KCNIP4: variants seen among roughly 807,000 people sequenced by gnomAD.
KCNIP4 encodes potassium voltage-gated channel interacting protein 4, also known as Kv channel-interacting protein 4.
KCNIP4 carries 12 observed loss-of-function variants against 34.0 expected under a neutral mutation model. The observed-to-expected ratio is 0.35, with a 90% CI of 0.23 to 0.57. The LOEUF (loss-of-function observed/expected upper bound fraction) is 0.57, where lower values mean the gene tolerates loss of function less well. KCNIP4 is among the 20% of genes least tolerant of loss of function. The pLI is 0.83. For synonymous variants in KCNIP4, 124 were observed against 102.2 expected (o/e 1.21, Z -1.29); for missense variants, 238 against 311.7 (o/e 0.76, Z 1.78).
At chr4:20,985,820 G>A (rs17635673) in intron 1 of KCNIP4, among the ~76,000 whole-genome samples, 43,915 of 151,930 alleles carry the variant, frequency 0.29, 8,029 homozygotes, top group Non-Finnish European at 0.4. Flanking sequence ...TTATAGAGGC[G>A]GTAACTGTCC....
chr4:21,850,686 T>C (rs1724322651), intron 1 of KCNIP4: 1 of 152,004 alleles, frequency 6.6e-6, no homozygotes, highest in Non-Finnish European at 1.5e-5. Flanking sequence ...AATTACATGA[T>C]TTTTTTTCAG....
intron 1 of KCNIP4, chr4:20,984,173 G>C: frequency 3.8e-6 from 2 of 524,352 alleles, no homozygotes; most frequent in Non-Finnish European, 6.8e-6. Flanking sequence ...CACAGCGCAC[G>C]GACCTCTCCA....
intron 1 of KCNIP4, among the ~76,000 whole-genome samples, chr4:21,814,238 A>T (rs1451931174): frequency 2.0e-5 from 3 of 152,132 alleles, no homozygotes; most frequent in Non-Finnish European, 4.4e-5. Context: ...ATTTGAGCAA[A>T]AATACTAACC....
intron 1 of KCNIP4, among the ~76,000 whole-genome samples, chr4:21,123,762 T>C (rs1433479): frequency 1.4e-4 from 21 of 152,018 alleles, no homozygotes; most frequent in African/African-American, 4.8e-4. Context: ...AATGGGATTA[T>C]TGTCCTTAAA....
intron 1 of KCNIP4, among the ~76,000 whole-genome samples, chr4:21,059,292 C>T (rs965941278): frequency 2.0e-5 from 3 of 152,156 alleles, no homozygotes; most frequent in African/African-American, 7.2e-5. Flanking sequence ...CTCCCTCTTC[C>T]AGTGACGTTA....
In KCNIP4 at chr4:21,248,277, A is replaced by C. The variant is rs114959013; in HGVS notation, c.62-365568T>G. ...CAGAGACATCAACAGTATAGACTTT[A>C]GGAGATGGTCTAAAGCTCTTAGCTT... is the stretch of plus-strand genomic sequence containing the variant. On this transcript the variant is annotated intron_variant, in intron 1 of 8. Transcript: ENST00000382152. 3.2e-3 allele frequency among the ~76,000 whole-genome samples: 493 copies of C among 152,034 alleles called. 3 individuals are homozygous for C. Among genetic ancestry groups the C allele is most frequent in the African/African-American group, 0.011 (469 of 41,486 alleles).
chr4:21,681,299 G>T (rs1255132240), intron 1 of KCNIP4, among the ~76,000 whole-genome samples: 3 of 151,376 alleles, frequency 2.0e-5, no homozygotes, highest in African/African-American at 7.3e-5. Context: ...TAAAGACAAG[G>T]CCTCACTATG....
intron 1 of KCNIP4, among the ~76,000 whole-genome samples, chr4:21,891,721 T>C (rs1160181130): frequency 2.0e-5 from 3 of 152,122 alleles, no homozygotes; most frequent in Non-Finnish European, 4.4e-5. Context: ...CTGTATCAAA[T>C]AAGAGAAAAC....
chr4:21,382,324 G>A (rs946523394), intron 1 of KCNIP4, among the ~76,000 whole-genome samples: 11 of 152,176 alleles, frequency 7.2e-5, no homozygotes, highest in Non-Finnish European at 1.6e-4. Context: ...ATATAGATGG[G>A]CTTTAAGCAG....
At chr4:21,112,419 G>A (rs1038471474) in intron 1 of KCNIP4, among the ~76,000 whole-genome samples, 1 of 152,122 alleles carries the variant, frequency 6.6e-6, no homozygotes, top group African/African-American at 2.4e-5. Context: ...ATGGAGTTTG[G>A]GCCAAAAATC....
At chr4:20,772,638 CTT>C (rs1314334844) in intron 3 of KCNIP4, among the ~76,000 whole-genome samples, 1 of 141,230 alleles carries the variant, frequency 7.1e-6, no homozygotes, top group East Asian at 2.1e-4. Context: ...TTCTCTCTCT[CTT>C]TCTTTCTTCT....
chr4:21,623,258 A>G (rs1745104575), intron 1 of KCNIP4, among the ~76,000 whole-genome samples: 1 of 152,220 alleles, frequency 6.6e-6, no homozygotes, highest in Admixed American at 6.5e-5. Flanking sequence ...AAATCTTATT[A>G]CTAAACAATT....
chr4:21,738,124 TA>T (rs1454914469), intron 1 of KCNIP4, among the ~76,000 whole-genome samples: 5 of 128,214 alleles, frequency 3.9e-5, no homozygotes, highest in Admixed American at 7.6e-5. Flanking sequence ...AATAAATAAA[TA>T]AATAAATAAA....
chr4:21,431,422 C>T (rs1041466345), intron 1 of KCNIP4, among the ~76,000 whole-genome samples: 18 of 151,992 alleles, frequency 1.2e-4, no homozygotes, highest in Non-Finnish European at 2.9e-5. Context: ...AACCATAATT[C>T]TTTAGTTTGC....
intron 3 of KCNIP4, among the ~76,000 whole-genome samples, chr4:20,784,592 C>G (rs1316714439): frequency 6.6e-6 from 1 of 152,048 alleles, no homozygotes; most frequent in Admixed American, 6.6e-5. Flanking sequence ...TTCTTCTTTC[C>G]TTGCCTCCCT....
chr4:20,880,983 A>G (rs1389364110), intron 2 of KCNIP4, among the ~76,000 whole-genome samples: 24 of 152,204 alleles, frequency 1.6e-4, no homozygotes, highest in Admixed American at 1.6e-3. Context: ...AGTGCTAACG[A>G]AAGTTATTTA....
intron 1 of KCNIP4, among the ~76,000 whole-genome samples, chr4:21,322,199 A>G (rs1333063908): frequency 6.6e-6 from 1 of 151,962 alleles, no homozygotes; most frequent in Non-Finnish European, 1.5e-5. Flanking sequence ...GAAATGAGGG[A>G]CTATGTTTTG....
rs189433340 is a variant in KCNIP4, at chr4:21,372,447, T to G, written c.62-489738A>C. 5.4e-4 allele frequency among the ~76,000 whole-genome samples: 79 copies of G among 146,716 alleles called. 3 individuals are homozygous for G. The highest frequency in any genetic ancestry group is 9.3e-4 in the Non-Finnish European group (63 of 67,974). ...ATAGATATAGATGTGTATATATATG[T>G]GTGTATGTGTGTGTATACAACATAT... On this transcript the variant is annotated intron_variant, in intron 1 of 8. Transcript: ENST00000382152.
At chr4:21,074,919 T>G (rs1745335133) in intron 1 of KCNIP4, among the ~76,000 whole-genome samples, 1 of 152,178 alleles carries the variant, frequency 6.6e-6, no homozygotes, top group Admixed American at 6.6e-5. Context: ...CAGGAGCAGG[T>G]TGTTCAGTTT....
Sources: allele counts gnomAD v4.1 joint callset (sites outside exome capture counted in the v4.1 genomes callset), GRCh38; gene constraint gnomAD v4.1.1; transcripts MANE v1.5; gene names NCBI Gene and HGNC (gene_info 2026-07-23, HGNC 2026-07-21).